The following DLG2 variants were observed in gnomAD, a reference collection of about 807,000 sequenced individuals.
DLG2 encodes the protein discs large MAGUK scaffold protein 2, also known as disks large homolog 2.
Under a neutral mutation model 132.5 loss-of-function variants are expected in DLG2, and 45 were observed. The observed-to-expected ratio is 0.34, with a 90% CI of 0.27 to 0.44. The LOEUF is 0.44. Among genes scored for constraint, DLG2 ranks in the 20% least tolerant of loss-of-function variants. The pLI, the probability that DLG2 is intolerant of heterozygous loss-of-function variation, is 1.00. For synonymous variants in DLG2, 424 were observed against 419.6 expected (o/e 1.01, Z -0.13); for missense variants, 1,045 against 1,196.9 (o/e 0.87, Z 1.87).
At chr11:83,813,875 A>T (rs925089711) in intron 17 of DLG2, among the ~76,000 whole-genome samples, 2 of 152,182 alleles carry the variant, frequency 1.3e-5, no homozygotes, top group African/African-American at 4.8e-5. Context: ...ATTTCTCCTC[A>T]TAACAGCCCT....
intron 6 of DLG2, among the ~76,000 whole-genome samples, chr11:84,669,552 G>C (rs1038975432): frequency 6.6e-6 from 1 of 152,082 alleles, no homozygotes; most frequent in Non-Finnish European, 1.5e-5. Context: ...CAAAGTGTTA[G>C]CATCTATGGT....
chr11:84,634,151 G>T (rs185950706), intron 6 of DLG2, among the ~76,000 whole-genome samples: 1 of 152,078 alleles, frequency 6.6e-6, no homozygotes, highest in Non-Finnish European at 1.5e-5. Flanking sequence ...ATCTGGATTT[G>T]AGATCTTTGT....
intron 11 of DLG2, among the ~76,000 whole-genome samples, chr11:84,052,067 A>G (rs964416059): frequency 6.6e-6 from 1 of 151,860 alleles, no homozygotes; most frequent in Non-Finnish European, 1.5e-5. Flanking sequence ...AAGTTTTAAT[A>G]TACTTGGAGC....
chr11:85,500,541 T>TA (rs1250780725), intron 3 of DLG2, among the ~76,000 whole-genome samples: 18 of 40,814 alleles, frequency 4.4e-4, no homozygotes, highest in African/African-American at 9.8e-4. Context: ...TAGAGTATAA[T>TA]AAAAAAAATA....
chr11:83,507,266 T>C (rs2139585328), intron 21 of DLG2, among the ~76,000 whole-genome samples: 1 of 151,964 alleles, frequency 6.6e-6, no homozygotes, highest in Admixed American at 6.6e-5. Flanking sequence ...TTGGGTCTAA[T>C]CATACTAAGA....
At chr11:84,429,928 G>A (rs1280802234) in intron 7 of DLG2, among the ~76,000 whole-genome samples, 3 of 152,162 alleles carry the variant, frequency 2.0e-5, no homozygotes, top group African/African-American at 7.2e-5. Context: ...GTTTCTGAAG[G>A]ACCATAACTG....
At chr11:84,967,341 C>T (rs2053490033) in intron 6 of DLG2, among the ~76,000 whole-genome samples, 1 of 152,014 alleles carries the variant, frequency 6.6e-6, no homozygotes, top group Non-Finnish European at 1.5e-5. Flanking sequence ...AATGGATAAT[C>T]CACAAGCCCT....
intron 6 of DLG2, among the ~76,000 whole-genome samples, chr11:84,888,262 C>T (rs1178838006): frequency 1.3e-5 from 2 of 152,112 alleles, no homozygotes; most frequent in African/African-American, 2.4e-5. Context: ...AAAAGATCGA[C>T]TCTCACCAAT....
chr11:84,599,437 T>C (rs899497566), intron 6 of DLG2, among the ~76,000 whole-genome samples: 2 of 152,152 alleles, frequency 1.3e-5, no homozygotes, highest in Admixed American at 6.5e-5. Flanking sequence ...ATTCTCTTCT[T>C]TCTTGCTTTA....
chr11:84,415,644 G>A (rs1380144377), intron 7 of DLG2, among the ~76,000 whole-genome samples: 1 of 152,276 alleles, frequency 6.6e-6, no homozygotes, highest in Admixed American at 6.5e-5. Flanking sequence ...GGTGTGGCCA[G>A]CGCCAGTGAA....
rs72233885 is a variant in DLG2 at position 84,239,587 on chromosome 11, ACAATGGC to A, written c.573+11644_573+11650del. On this transcript the variant is annotated intron_variant, in intron 8 of 27. Coordinates refer to ENST00000376104, the MANE Select transcript of DLG2 (RefSeq NM_001142699.3). ...TGGTAAATACTAATTTAGGACTGCA[ACAATGGC>A]CAATGGCCATCATTTGTTGAACATC... 3.6e-3 allele frequency among the ~76,000 whole-genome samples: 550 copies of A among 152,320 alleles called. 5 individuals are homozygous for A. The highest frequency in any genetic ancestry group is 0.012 in the African/African-American group (515 of 41,568).
intron 15 of DLG2, among the ~76,000 whole-genome samples, chr11:83,909,344 C>T (rs1467503981): frequency 6.6e-6 from 1 of 152,106 alleles, no homozygotes; most frequent in African/African-American, 2.4e-5. Context: ...CTCTTTGATT[C>T]CATCCAGCTG....
At chr11:85,401,996 A>C (rs772197838) in intron 3 of DLG2, among the ~76,000 whole-genome samples, 5 of 152,030 alleles carry the variant, frequency 3.3e-5, no homozygotes, top group African/African-American at 4.8e-5. Context: ...AACTACTTTT[A>C]ATTTCATATG....
intron 16 of DLG2, among the ~76,000 whole-genome samples, chr11:83,849,574 A>G (rs989503975): frequency 4.6e-5 from 7 of 151,954 alleles, no homozygotes; most frequent in African/African-American, 1.7e-4. Flanking sequence ...ATAGAAAGAA[A>G]TAATTTCTAG....
intron 10 of DLG2, among the ~76,000 whole-genome samples, chr11:84,086,450 T>C: frequency 6.6e-6 from 1 of 151,890 alleles, no homozygotes; most frequent in East Asian, 1.9e-4. Flanking sequence ...TATGTAATTT[T>C]AAACATTTTC....
intron 10 of DLG2, among the ~76,000 whole-genome samples, chr11:84,079,315 G>C (rs1478059372): frequency 7.0e-6 from 1 of 142,724 alleles, no homozygotes; most frequent in African/African-American, 2.6e-5. Context: ...ATGGAGTCTT[G>C]CTCTGTCACC....
chr11:85,010,243 G>C (rs1014249291), intron 6 of DLG2, among the ~76,000 whole-genome samples: 3 of 151,972 alleles, frequency 2.0e-5, no homozygotes, highest in Admixed American at 1.3e-4. Flanking sequence ...GCCTTTGCTT[G>C]ACACAAGATA....
At chr11:85,365,043 A>T (rs1171654495) in intron 3 of DLG2, among the ~76,000 whole-genome samples, 1 of 152,128 alleles carries the variant, frequency 6.6e-6, no homozygotes, top group Non-Finnish European at 1.5e-5. Context: ...AAATGTAAGA[A>T]TATAAGGCCA....
chr11:85,300,989 T>C (rs990935618), intron 3 of DLG2, among the ~76,000 whole-genome samples: 8 of 151,912 alleles, frequency 5.3e-5, no homozygotes, highest in Non-Finnish European at 1.0e-4. Flanking sequence ...TCACTTAAGG[T>C]CAAGAGCTCA....
Sources: gnomAD v4.1 joint callset for allele counts (sites outside exome capture counted in the v4.1 genomes callset) on GRCh38, gnomAD v4.1.1 for gene constraint, MANE v1.5 for transcripts, NCBI Gene and HGNC (gene_info 2026-07-23, HGNC 2026-07-21) for gene names.